The following ARMC9 variants were observed in gnomAD, a reference collection of about 807,000 sequenced individuals.
The protein encoded by ARMC9 is lisH domain-containing protein ARMC9.
ARMC9 carries 94 observed loss-of-function variants against 107.0 expected under a neutral mutation model. The ratio of observed to expected loss-of-function variants is 0.88; its 90% confidence interval spans 0.74 to 1.04. The LOEUF is 1.04. ARMC9 is among the 50% of genes least tolerant of loss of function. ARMC9 has a pLI of 0.00. For missense variants in ARMC9, 942 were observed against 1,030.1 expected (o/e 0.91, Z 1.17); for synonymous variants, 380 against 396.9 (o/e 0.96, Z 0.51).
At chr2:231,238,725 A>G (rs1171951288) in intron 8 of ARMC9, among the ~76,000 whole-genome samples, 1 of 152,226 alleles carries the variant, frequency 6.6e-6, no homozygotes, top group Non-Finnish European at 1.5e-5. Flanking sequence ...GACTCAGGAT[A>G]ATATAGGAGG....
At chr2:231,264,656 C>T (rs2038691242) in intron 12 of ARMC9, among the ~76,000 whole-genome samples, 1 of 151,988 alleles carries the variant, frequency 6.6e-6, no homozygotes, top group Non-Finnish European at 1.5e-5. Context: ...CGCCATCACG[C>T]CCAGCTAATT....
chr2:231,307,862 A>G (rs2042120031), intron 19 of ARMC9, among the ~76,000 whole-genome samples: 1 of 152,260 alleles, frequency 6.6e-6, no homozygotes, highest in Admixed American at 6.5e-5. Flanking sequence ...CTAAAGGAAG[A>G]AACTTAGCAA....
intron 5 of ARMC9, among the ~76,000 whole-genome samples, chr2:231,219,939 T>C (rs1211098817): frequency 6.6e-6 from 1 of 152,198 alleles, no homozygotes; most frequent in Non-Finnish European, 1.5e-5. Context: ...CAAGTGATCT[T>C]CCCACTTCAG....
chr2:231,321,324 G>A (rs953154249), intron 19 of ARMC9, among the ~76,000 whole-genome samples: 12 of 152,132 alleles, frequency 7.9e-5, no homozygotes, highest in Non-Finnish European at 1.0e-4. Context: ...CGGATGGAGC[G>A]GGGATGGAAA....
intron 19 of ARMC9, among the ~76,000 whole-genome samples, chr2:231,324,667 C>T (rs1403569440): frequency 6.6e-6 from 1 of 151,718 alleles, no homozygotes; most frequent in Non-Finnish European, 1.5e-5. Flanking sequence ...TCACTTGAAC[C>T]GAGGAGGCGG....
intron 11 of ARMC9, among the ~76,000 whole-genome samples, chr2:231,259,379 G>A (rs998668355): frequency 6.6e-6 from 1 of 152,168 alleles, no homozygotes; most frequent in Non-Finnish European, 1.5e-5. Context: ...CTGGTGATGA[G>A]CCCCACTCTG....
chr2:231,287,898 G>A (rs901267108), intron 17 of ARMC9, among the ~76,000 whole-genome samples: 1 of 152,174 alleles, frequency 6.6e-6, no homozygotes, highest in Non-Finnish European at 1.5e-5. Flanking sequence ...AGGAAACAAT[G>A]ACAAGACCTA....
intron 19 of ARMC9, among the ~76,000 whole-genome samples, chr2:231,330,168 G>A (rs1404260917): frequency 6.6e-6 from 1 of 151,126 alleles, no homozygotes; most frequent in African/African-American, 2.4e-5. Context: ...AAATCATGTA[G>A]ATCGATTCTT....
At chr2:231,299,995 G>GACTT (rs2041624524) in intron 19 of ARMC9, among the ~76,000 whole-genome samples, 1 of 152,160 alleles carries the variant, frequency 6.6e-6, no homozygotes, top group Non-Finnish European at 1.5e-5. Context: ...ATATGAAACA[G>GACTT]ACGTAATATG....
chr2:231,219,686 T>C (rs1344408941), intron 5 of ARMC9, among the ~76,000 whole-genome samples: 1 of 152,186 alleles, frequency 6.6e-6, no homozygotes, highest in Non-Finnish European at 1.5e-5. Flanking sequence ...TGAAAAATTC[T>C]CAATTAGTAT....
In ARMC9 at chr2:231,291,343, A is replaced by G. The variant is rs759308354; in HGVS notation, c.1627-10A>G. On this transcript the variant is annotated splice_polypyrimidine_tract_variant and intron_variant, in intron 17 of 24. Coordinates refer to ENST00000611582, the MANE Select transcript of ARMC9 (RefSeq NM_001352754.2). Reference sequence around the variant, plus strand: ...GAAATGTTAACTATTACTTTCGCCAATACTTCTAGGGAATGGAAGACATCC... The same window carrying G: ...GAAATGTTAACTATTACTTTCGCCAGTACTTCTAGGGAATGGAAGACATCC... 3.1e-6 allele frequency: 5 copies of G among 1,610,834 alleles called. No homozygotes were observed. Among genetic ancestry groups the G allele is most frequent in the East Asian group, 2.2e-5 (1 of 44,818 alleles).
intron 18 of ARMC9, 71 bp from the exon 19 acceptor site, chr2:231,296,127 G>C (rs2041346032): frequency 8.3e-7 from 1 of 1,204,116 alleles, no homozygotes; most frequent in Non-Finnish European, 1.2e-6. Flanking sequence ...TCTCTGCAGA[G>C]GCTGACAGAT....
At chr2:231,320,576 A>G (rs1394171213) in intron 19 of ARMC9, among the ~76,000 whole-genome samples, 1 of 150,340 alleles carries the variant, frequency 6.7e-6, no homozygotes, top group African/African-American at 2.5e-5. Context: ...AAAAAAAAAG[A>G]TAGTGTCCTT....
rs567834789 is a variant in ARMC9, at chr2:231,258,970, T to C, written c.915-21T>C. 1.9e-6 allele frequency: 3 copies of C among 1,591,680 alleles called. No homozygotes were observed. The East Asian group carries it at 6.7e-5, about 36-fold the overall frequency. On this transcript the variant is annotated intron_variant, in intron 10 of 24. Coordinates refer to ENST00000611582, the MANE Select transcript of ARMC9 (RefSeq NM_001352754.2). ...GCCCTTTTGCCCTTTTCTTTCTCTT[T>C]GAACTTGTGTTGCTGAGTAGGAAAT...
intron 6 of ARMC9, among the ~76,000 whole-genome samples, chr2:231,225,742 C>T (rs2034578490): frequency 6.6e-6 from 1 of 152,082 alleles, no homozygotes; most frequent in Admixed American, 6.6e-5. Flanking sequence ...GGAGTAACTG[C>T]CAGTGAATAC....
At chr2:231,366,793 A>C (rs1299473456) in intron 23 of ARMC9, among the ~76,000 whole-genome samples, 1 of 150,750 alleles carries the variant, frequency 6.6e-6, no homozygotes, top group Non-Finnish European at 1.5e-5. Flanking sequence ...GTGACCCAAG[A>C]TCATGCCACT....
rs537123621 is a variant in ARMC9, at chr2:231,226,699, T to C, written c.598-75T>C. The C allele has an allele frequency of 9.2e-6, 14 of 1,526,892 alleles. No individual in the cohort carries two copies. In the East Asian group the frequency reaches 1.8e-4, roughly 20 times the overall value. The allele number at this position is 1,526,892 out of a possible 1,614,324, so 94.6% of individuals were successfully genotyped here. On this transcript the variant is annotated intron_variant, in intron 6 of 24. Coordinates refer to ENST00000611582, the MANE Select transcript of ARMC9 (RefSeq NM_001352754.2). ...CATCATGCTGAGGTGCTTTCTCACA[T>C]TGGCCACAGGATGTCCGATACCCCA...
Position 231,235,292 on chromosome 2 carries a change from T to C in ARMC9, c.691T>C (p.Tyr231His). The C allele has an allele frequency of 1.2e-6, 2 of 1,614,196 alleles. No homozygotes were observed. Among genetic ancestry groups the C allele is most frequent in the South Asian group, 2.2e-5 (2 of 91,074 alleles). Residue 231 changes from tyrosine to histidine, a missense_variant, in exon 8 of 25, where the codon TAC becomes CAC. Physicochemically the swap from Tyr to His is moderately conservative, Grantham distance 83 (BLOSUM62 2). Transcript: ENST00000611582. ...TAGGTCAGTGACATACCTCAAACGG[T>C]ACAATAAGATCCAGGCCGACTACCA... The part of the protein sequence containing the change: ...ERRSVTYLKR[Y>H]NKIQADYHNL...
chr2:231,204,773 G>C (rs1253111712), intron 1 of ARMC9, among the ~76,000 whole-genome samples: 1 of 152,126 alleles, frequency 6.6e-6, no homozygotes, highest in African/African-American at 2.4e-5. Flanking sequence ...AGGAAGGGCA[G>C]TGAGCCAGAG....
Sources: allele counts gnomAD v4.1 joint callset (sites outside exome capture counted in the v4.1 genomes callset), GRCh38; gene constraint gnomAD v4.1.1; transcripts MANE v1.5; gene names NCBI Gene and HGNC (gene_info 2026-07-23, HGNC 2026-07-21).